ADH1C: variants seen among roughly 807,000 people sequenced by gnomAD.
ADH1C encodes alcohol dehydrogenase 1C.
Under a neutral mutation model 35.0 loss-of-function variants are expected in ADH1C, and 26 were observed. The observed-to-expected ratio is 0.74, with a 90% CI of 0.54 to 1.03. ADH1C has a LOEUF of 1.03. ADH1C is among the 50% of genes least tolerant of loss of function. The pLI, the probability that ADH1C is intolerant of heterozygous loss-of-function variation, is 0.00. For missense variants in ADH1C, 413 were observed against 465.4 expected (o/e 0.89, Z 1.04); for synonymous variants, 170 against 169.3 (o/e 1.00, Z -0.03).
intron 8 of ADH1C, among the ~76,000 whole-genome samples, chr4:99,337,795 T>C (rs569592247): frequency 6.6e-6 from 1 of 152,238 alleles, no homozygotes; most frequent in South Asian, 2.1e-4. Flanking sequence ...TTTGGGATCA[T>C]CTTATAAATA....
At chr4:99,338,542 A>C (rs565022161) in intron 8 of ADH1C, among the ~76,000 whole-genome samples, 17 of 147,444 alleles carry the variant, frequency 1.2e-4, no homozygotes, top group African/African-American at 4.3e-4. Flanking sequence ...CTACCACCTG[A>C]TGATTTTGAC....
In ADH1C at chr4:99,343,918, C is replaced by T. The variant is rs1023663565; in HGVS notation, c.568-863G>A. Among the ~76,000 whole-genome samples the T allele has an allele frequency of 2.6e-5, 4 of 152,170 alleles. No individual in the cohort carries two copies. The South Asian group carries it at 8.3e-4, about 32-fold the overall frequency. On this transcript the variant is annotated intron_variant, in intron 5 of 8. Transcript: ENST00000515683. ...ATGCTGTTCCTGTTCCAAATAATCTCATTCTTATATTCCCTTAAGGGTGTC... is the reference window on the plus strand; with the variant it reads ...ATGCTGTTCCTGTTCCAAATAATCTTATTCTTATATTCCCTTAAGGGTGTC...
intron 8 of ADH1C, 135 bp from the exon 9 acceptor site, chr4:99,336,911 G>T: frequency 8.0e-7 from 1 of 1,248,980 alleles, no homozygotes. Context: ...CCATCCCTAT[G>T]CATTTGGGTC....
At chr4:99,342,366 C>T (rs1273510599) in intron 6 of ADH1C, among the ~76,000 whole-genome samples, 3 of 152,048 alleles carry the variant, frequency 2.0e-5, no homozygotes, top group East Asian at 3.9e-4. Flanking sequence ...TTTCTTTTGA[C>T]CGAAGAATAC....
rs761307510 is a variant in ADH1C, at chr4:99,343,038, G to A, written c.585C>T (p.Thr195=). The A allele has an allele frequency of 1.2e-6, 2 of 1,614,122 alleles. No individual in the cohort carries two copies. Among genetic ancestry groups the A allele is most frequent in the Admixed American group, 1.7e-5 (1 of 60,010 alleles). The change falls in exon 6 of 9, where the codon ACC becomes ACT. Residue 195 remains threonine, a synonymous_variant. Coordinates refer to ENST00000515683, the MANE Select transcript of ADH1C (RefSeq NM_000669.5). The part of the protein sequence containing the change: ...VKVAKVTPGS[T]CAVFGLGGVG... ...CCCCTCCCAGGCCAAACACAGCACAGGTAGACCCTGGGGTGACCTATGTTT... is the reference window on the plus strand; with the variant it reads ...CCCCTCCCAGGCCAAACACAGCACAAGTAGACCCTGGGGTGACCTATGTTT...
chr4:99,343,134 T>G lies in ADH1C; in HGVS notation c.568-79A>C, dbSNP rs998336924. 2.6e-6 allele frequency: 4 copies of G among 1,551,326 alleles called. No individual in the cohort carries two copies. In the Admixed American group the frequency reaches 7.5e-5, roughly 29 times the overall value. ...TTAAGCTTTATAAAGTGCCATGTCTTGTGTGTTATCAAGAACTACTCAGAC... is the reference window on the plus strand; with the variant it reads ...TTAAGCTTTATAAAGTGCCATGTCTGGTGTGTTATCAAGAACTACTCAGAC... On this transcript the variant is annotated intron_variant, in intron 5 of 8. Coordinates refer to ENST00000515683, the MANE Select transcript of ADH1C (RefSeq NM_000669.5).
intron 8 of ADH1C, 69 bp downstream of exon 8, chr4:99,339,508 C>T: frequency 2.6e-6 from 3 of 1,138,762 alleles, no homozygotes; most frequent in Admixed American, 4.7e-5. Flanking sequence ...CTCTGCTAGA[C>T]AACGCCCCCC....
At chr4:99,344,255 A>G (rs1232084084) in intron 5 of ADH1C, among the ~76,000 whole-genome samples, 1 of 152,204 alleles carries the variant, frequency 6.6e-6, no homozygotes, top group African/African-American at 2.4e-5. Context: ...CTTGAAATTT[A>G]CCACTTCTGA....
Position 99,347,691 on chromosome 4 carries a change from A to C in ADH1C, c.120+54T>G, listed in dbSNP as rs1579534248. ...GATTTTGGATGTTTCTATTTTTAAT[A>C]TTTTCTGAATTCTTTAAACTTAAAA... On this transcript the variant is annotated intron_variant, in intron 2 of 8. Coordinates refer to ENST00000515683, the MANE Select transcript of ADH1C (RefSeq NM_000669.5). 2.0e-6 allele frequency: 3 copies of C among 1,491,582 alleles called. No individual in the cohort carries two copies. In the East Asian group the frequency reaches 7.3e-5, roughly 36 times the overall value. 92.4% of individuals were successfully genotyped at this position (1,491,582 alleles called of 1,614,324 possible).
chr4:99,351,268 GTAC>G (rs1438633975), intron 1 of ADH1C: 6 of 152,096 alleles, frequency 3.9e-5, no homozygotes, highest in African/African-American at 1.4e-4. Context: ...TATTTACCAG[GTAC>G]TATTCTAAGT....
chr4:99,342,775 G>A lies in ADH1C; in HGVS notation c.828+20C>T. The A allele has an allele frequency of 6.2e-7, 1 of 1,613,706 alleles. No homozygotes were observed. Among genetic ancestry groups the A allele is most frequent in the Non-Finnish European group, 8.5e-7 (1 of 1,179,646 alleles). ...CCAGGTTGCAGAGGCAGAAATTTCA[G>A]GGCATGTCACGGATCATACCATGGT... On this transcript the variant is annotated intron_variant, in intron 6 of 8. Coordinates refer to ENST00000515683, the MANE Select transcript of ADH1C (RefSeq NM_000669.5).
At chr4:99,342,583 C>T (rs547798974) in intron 6 of ADH1C, among the ~76,000 whole-genome samples, 9 of 151,832 alleles carry the variant, frequency 5.9e-5, no homozygotes, top group African/African-American at 1.7e-4. Context: ...TTTCTTTTCT[C>T]GAGGAAATAT....
intron 5 of ADH1C, 110 bp from the exon 6 acceptor site, chr4:99,343,165 T>C: frequency 2.1e-6 from 3 of 1,443,914 alleles, no homozygotes; most frequent in Non-Finnish European, 2.8e-6. Context: ...CAGACTCTTC[T>C]GTCCAATCTG....
chr4:99,339,510 A>AC (rs1560535795), intron 8 of ADH1C, 67 bp downstream of exon 8: 30 of 894,644 alleles, frequency 3.4e-5, no homozygotes, highest in South Asian at 7.4e-5. Flanking sequence ...CTGCTAGACA[A>AC]CGCCCCCCCC....
chr4:99,343,327 A>C (rs1257315729), intron 5 of ADH1C, among the ~76,000 whole-genome samples: 1 of 152,192 alleles, frequency 6.6e-6, no homozygotes, highest in African/African-American at 2.4e-5. Flanking sequence ...CAATTAAATG[A>C]GAATCTCTGC....
At chr4:99,337,524 A>C (rs1442480) in intron 8 of ADH1C, among the ~76,000 whole-genome samples, 47,337 of 151,910 alleles carry the variant, frequency 0.31, 8,775 homozygotes, top group Non-Finnish European at 0.41. Flanking sequence ...TGCCTTTTCT[A>C]TAAACCAACT....
At position 99,342,840 on chromosome 4, in the gene ADH1C, T is replaced by C. The variant is rs751735796; in HGVS notation, c.783A>G (p.Gly261=). Residue 261 remains glycine, a synonymous_variant, in exon 6 of 9, where the codon GGA becomes GGG. Coordinates refer to ENST00000515683, the MANE Select transcript of ADH1C (RefSeq NM_000669.5). ...TGACTTCAAACGAAAAATCCACACCTCCATCAGTCATTTCCTTTAGCACTT... is the reference window on the plus strand; with the variant it reads ...TGACTTCAAACGAAAAATCCACACCCCCATCAGTCATTTCCTTTAGCACTT... ...IQEVLKEMTD[G]GVDFSFEVIG... 158 of 1,613,878 alleles carry C rather than the reference T, an allele frequency of 9.8e-5. No homozygotes were observed. Among genetic ancestry groups the C allele is most frequent in the Admixed American group, 2.0e-4 (12 of 59,990 alleles).
intron 6 of ADH1C, among the ~76,000 whole-genome samples, chr4:99,341,996 G>A (rs1734425347): frequency 1.6e-5 from 2 of 125,744 alleles, no homozygotes; most frequent in African/African-American, 6.0e-5. Context: ...TGGTGACAGA[G>A]TGAGACCCTG....
chr4:99,343,108 C>G (rs1734455796), intron 5 of ADH1C, 53 bp from the exon 6 acceptor site: 1 of 1,590,926 alleles, frequency 6.3e-7, no homozygotes, highest in Non-Finnish European at 8.6e-7. Flanking sequence ...TTAGAAATTG[C>G]TTAAGCTTTA....
Sources: gnomAD v4.1 joint callset for allele counts (sites outside exome capture counted in the v4.1 genomes callset) on GRCh38, gnomAD v4.1.1 for gene constraint, MANE v1.5 for transcripts, NCBI Gene and HGNC (gene_info 2026-07-23, HGNC 2026-07-21) for gene names.